LRP1B: variants seen among roughly 807,000 people sequenced by gnomAD.
The protein encoded by LRP1B is LDL receptor related protein 1B, also known as low-density lipoprotein receptor-related protein 1B.
In LRP1B, 217 loss-of-function variants were observed where a neutral mutation model predicts 556.6. That is an observed-to-expected ratio of 0.39 (90% CI 0.35 to 0.44). The LOEUF is 0.44. LRP1B is among the 20% of genes least tolerant of loss of function. The pLI, the probability that LRP1B is intolerant of heterozygous loss-of-function variation, is 1.00. For synonymous variants in LRP1B, 2,047 were observed against 1,865.8 expected (o/e 1.10, Z -2.50); for missense variants, 5,053 against 5,620.8 (o/e 0.90, Z 3.23).
chr2:140,406,084 C>G (rs1439558592), intron 66 of LRP1B, among the ~76,000 whole-genome samples: 1 of 152,058 alleles, frequency 6.6e-6, no homozygotes, highest in African/African-American at 2.4e-5. Context: ...AAATTAAAAA[C>G]AAAACCATAT....
chr2:140,953,246 A>G (rs1301176001), intron 18 of LRP1B, among the ~76,000 whole-genome samples: 1 of 152,092 alleles, frequency 6.6e-6, no homozygotes, highest in Non-Finnish European at 1.5e-5. Context: ...GCGCACCACC[A>G]TGCAGGCTAA....
intron 1 of LRP1B, among the ~76,000 whole-genome samples, chr2:142,041,370 C>G (rs1375617): frequency 6.6e-6 from 1 of 151,248 alleles, no homozygotes; most frequent in East Asian, 1.9e-4. Flanking sequence ...AGCAAGATGA[C>G]CTTTCATTAG....
intron 1 of LRP1B, among the ~76,000 whole-genome samples, chr2:142,109,432 A>C (rs1006849639): frequency 6.6e-6 from 1 of 152,136 alleles, no homozygotes; most frequent in African/African-American, 2.4e-5. Flanking sequence ...AAATGTTTTA[A>C]TTTCTTTTTC....
chr2:141,305,536 A>G (rs751807011), intron 3 of LRP1B, among the ~76,000 whole-genome samples: 40 of 152,300 alleles, frequency 2.6e-4, no homozygotes, highest in Middle Eastern at 3.4e-3. Flanking sequence ...ACCATCAGCA[A>G]AGAGGGAGAA....
intron 2 of LRP1B, among the ~76,000 whole-genome samples, chr2:141,741,370 C>T (rs1390879513): frequency 1.4e-5 from 2 of 144,106 alleles, no homozygotes; most frequent in East Asian, 4.1e-4. Context: ...TTTGAGGAGC[C>T]TCCAAACTGT....
intron 1 of LRP1B, among the ~76,000 whole-genome samples, chr2:142,089,251 C>G (rs1706070562): frequency 6.6e-6 from 1 of 151,916 alleles, no homozygotes; most frequent in Admixed American, 6.6e-5. Flanking sequence ...CTACAATATC[C>G]TTTGATAGAT....
intron 53 of LRP1B, 56 bp downstream of exon 53, chr2:140,506,740 G>A (rs1003879653): frequency 1.1e-5 from 17 of 1,562,274 alleles, no homozygotes; most frequent in Non-Finnish European, 1.5e-5. Flanking sequence ...TTACATACTA[G>A]TTTTGAAAGA....
intron 3 of LRP1B, among the ~76,000 whole-genome samples, chr2:141,312,800 TGCCTCA>T (rs1407873778): frequency 6.6e-6 from 1 of 152,114 alleles, no homozygotes; most frequent in Non-Finnish European, 1.5e-5. Context: ...GAGATTCTCT[TGCCTCA>T]GCCTCCTGAG....
chr2:141,891,463 T>C (rs1048079701), intron 1 of LRP1B, among the ~76,000 whole-genome samples: 1 of 152,180 alleles, frequency 6.6e-6, no homozygotes, highest in African/African-American at 2.4e-5. Flanking sequence ...CACATGTGCC[T>C]ACATATTAAC....
intron 43 of LRP1B, among the ~76,000 whole-genome samples, chr2:140,546,300 A>G (rs1680336249): frequency 6.6e-6 from 1 of 152,048 alleles, no homozygotes; most frequent in Non-Finnish European, 1.5e-5. Flanking sequence ...TGCTCTGCCC[A>G]GGACTTCCAA....
At chr2:140,532,929 G>GATATATATATACACATAT (rs1690765480) in intron 47 of LRP1B, among the ~76,000 whole-genome samples, 1 of 50,382 alleles carries the variant, frequency 2.0e-5, no homozygotes, top group African/African-American at 6.0e-5. Context: ...CACAGCACAA[G>GATATATATATACACATAT]ATATATATAT....
At chr2:141,283,643 C>T (rs1328454209) in intron 3 of LRP1B, among the ~76,000 whole-genome samples, 40 of 120,182 alleles carry the variant, frequency 3.3e-4, no homozygotes, top group African/African-American at 1.1e-3. Flanking sequence ...TTTTTTGAGA[C>T]GCAGTGTAGT....
intron 3 of LRP1B, among the ~76,000 whole-genome samples, chr2:141,324,175 G>A (rs1032836914): frequency 1.3e-5 from 2 of 148,800 alleles, no homozygotes; most frequent in Non-Finnish European, 3.0e-5. Flanking sequence ...AGATGAACAA[G>A]GAAACCACAC....
chr2:140,939,546 T>C (rs936623098), intron 20 of LRP1B, among the ~76,000 whole-genome samples: 1 of 148,686 alleles, frequency 6.7e-6, no homozygotes. Context: ...ATTTAAATTG[T>C]AGGTCAATAC....
At chr2:140,958,964 C>T (rs1411421801) in intron 18 of LRP1B, among the ~76,000 whole-genome samples, 1 of 150,704 alleles carries the variant, frequency 6.6e-6, no homozygotes, top group African/African-American at 2.4e-5. Flanking sequence ...AAATATCAGT[C>T]ACTAAAGGCA....
intron 84 of LRP1B, among the ~76,000 whole-genome samples, chr2:140,294,767 C>A (rs1022784102): frequency 6.6e-6 from 1 of 151,974 alleles, no homozygotes; most frequent in Non-Finnish European, 1.5e-5. Context: ...AATAAACACA[C>A]GTGAGTTAGT....
chr2:140,355,798 T>C (rs1682183904), intron 75 of LRP1B, among the ~76,000 whole-genome samples: 2 of 151,952 alleles, frequency 1.3e-5, no homozygotes, highest in African/African-American at 4.8e-5. Context: ...ACTTACTTAC[T>C]ATAAGATTTT....
chr2:141,031,255 A>T (rs1203592969), intron 11 of LRP1B, among the ~76,000 whole-genome samples: 1 of 73,470 alleles, frequency 1.4e-5, no homozygotes. Context: ...TACATATCAC[A>T]CACACACACA....
At chr2:140,727,452 A>C (rs550897242) in intron 35 of LRP1B, among the ~76,000 whole-genome samples, 2 of 152,142 alleles carry the variant, frequency 1.3e-5, no homozygotes, top group Non-Finnish European at 2.9e-5. Flanking sequence ...CCTCTGGAGG[A>C]GGCTATGAAA....
Sources: allele counts gnomAD v4.1 joint callset (sites outside exome capture counted in the v4.1 genomes callset), GRCh38; gene constraint gnomAD v4.1.1; transcripts MANE v1.5; gene names NCBI Gene and HGNC (gene_info 2026-07-23, HGNC 2026-07-21).